The following WWP2 variants were observed in gnomAD, a reference collection of about 807,000 sequenced individuals.
WWP2 encodes the protein NEDD4-like E3 ubiquitin-protein ligase WWP2.
A neutral mutation model predicts 121.0 loss-of-function variants in WWP2; 57 were observed. The ratio of observed to expected loss-of-function variants is 0.47; its 90% CI spans 0.38 to 0.59. WWP2 has a LOEUF of 0.59. Among genes scored for constraint, WWP2 ranks in the 20% least tolerant of loss-of-function variants. The pLI is 0.00. For synonymous variants in WWP2, 449 were observed against 441.3 expected (o/e 1.02, Z -0.22); for missense variants, 962 against 1,158.9 (o/e 0.83, Z 2.47).
chr16:69,848,994 G>A (rs764719636), intron 6 of WWP2, among the ~76,000 whole-genome samples: 45 of 152,220 alleles, frequency 3.0e-4, no homozygotes, highest in South Asian at 6.2e-4. Context: ...AGATTTATTG[G>A]CTCCCTTGCC....
intron 6 of WWP2, among the ~76,000 whole-genome samples, chr16:69,855,165 T>C (rs2057288797): frequency 6.6e-6 from 1 of 152,260 alleles, no homozygotes; most frequent in Non-Finnish European, 1.5e-5. Context: ...CATTTTGTTT[T>C]AGATAAAAAT....
intron 8 of WWP2, among the ~76,000 whole-genome samples, chr16:69,896,683 C>A (rs1237976884): frequency 1.3e-5 from 2 of 151,418 alleles, no homozygotes; most frequent in African/African-American, 4.9e-5. Flanking sequence ...TAACAAACAC[C>A]CCCCCAGAGC....
At chr16:69,939,276 C>T (rs1428563655) in intron 22 of WWP2, 65 bp from the exon 23 acceptor site, 39 of 1,601,392 alleles carry the variant, frequency 2.4e-5, no homozygotes, top group Middle Eastern at 1.7e-4. Context: ...TGGGTGGAGC[C>T]GGAGGATCCT....
chr16:69,939,777 A>T, intron 23 of WWP2, 64 bp from the exon 24 acceptor site: 1 of 1,466,904 alleles, frequency 6.8e-7, no homozygotes, highest in Non-Finnish European at 9.4e-7. Flanking sequence ...GCAGGCAGGC[A>T]TGGTGGGGCT....
intron 5 of WWP2, 134 bp downstream of exon 5, chr16:69,840,397 C>G: frequency 1.7e-6 from 2 of 1,196,176 alleles, no homozygotes; most frequent in South Asian, 3.0e-5. Context: ...ATAGCTAGCC[C>G]GGACTCTTCT....
Position 69,799,472 on chromosome 16 carries a change from A to G in WWP2, c.340+177A>G. 2.5e-6 allele frequency: 2 copies of G among 789,658 alleles called. No homozygotes were observed. The highest frequency in any genetic ancestry group is 1.9e-6 in the Non-Finnish European group (1 of 527,208). 48.9% of individuals were successfully genotyped at this position (789,658 alleles called of 1,614,324 possible). On this transcript the variant is annotated intron_variant, in intron 4 of 23. Transcript: ENST00000359154. This position sits in a 1 kb window ranked among gnomAD's most constrained non-coding sequence, Gnocchi z 4.5. ...GGGCTCCTCTCTGCCTCCACTACAGAGTTTAGCCCTCTTTGTCCAGGGCCT... is the reference window on the plus strand; with the variant it reads ...GGGCTCCTCTCTGCCTCCACTACAGGGTTTAGCCCTCTTTGTCCAGGGCCT...
At chr16:69,777,037 ATG>A (rs35448810) in intron 1 of WWP2, among the ~76,000 whole-genome samples, 12 of 151,082 alleles carry the variant, frequency 7.9e-5, no homozygotes, top group East Asian at 1.9e-4. Context: ...AAAACAGTAT[ATG>A]TGTGTGTGTG....
intron 4 of WWP2, among the ~76,000 whole-genome samples, chr16:69,813,454 G>A (rs929308637): frequency 9.3e-5 from 14 of 151,050 alleles, no homozygotes; most frequent in African/African-American, 3.5e-4. Context: ...GAGCCACTGC[G>A]CCCAGCCTTT....
chr16:69,831,389 G>A (rs1012418124), intron 4 of WWP2, among the ~76,000 whole-genome samples: 2 of 152,152 alleles, frequency 1.3e-5, no homozygotes, highest in Non-Finnish European at 2.9e-5. Context: ...CCAGGCAAGA[G>A]TTCTGGATTT....
At chr16:69,931,077 C>T in intron 13 of WWP2, 75 bp from the exon 14 acceptor site, 1 of 1,463,770 alleles carries the variant, frequency 6.8e-7, no homozygotes, top group Non-Finnish European at 9.5e-7. Context: ...ACCAGCTTTC[C>T]TTAGGGCTGA....
At chr16:69,901,104 C>T (rs2151952349) in intron 8 of WWP2, among the ~76,000 whole-genome samples, 1 of 152,316 alleles carries the variant, frequency 6.6e-6, no homozygotes, top group East Asian at 1.9e-4. Flanking sequence ...TTATATTCCA[C>T]TGCAGACAGA....
intron 6 of WWP2, among the ~76,000 whole-genome samples, chr16:69,855,305 T>C (rs2057291233): frequency 6.6e-6 from 1 of 152,254 alleles, no homozygotes; most frequent in Non-Finnish European, 1.5e-5. Context: ...GGGTCTGCCA[T>C]CCTTATTTCT....
At chr16:69,812,971 G>T (rs144260449) in intron 4 of WWP2, among the ~76,000 whole-genome samples, 1 of 152,046 alleles carries the variant, frequency 6.6e-6, no homozygotes, top group South Asian at 2.1e-4. Flanking sequence ...TTCTGCATCC[G>T]GTGATTTTAC....
chr16:69,851,924 A>G lies in WWP2; in HGVS notation c.575+9804A>G, dbSNP rs1490683263. 2.6e-5 allele frequency among the ~76,000 whole-genome samples: 4 copies of G among 152,304 alleles called. No homozygotes were observed. The East Asian group carries it at 5.8e-4, about 22-fold the overall frequency. On this transcript the variant is annotated intron_variant, in intron 6 of 23. Transcript: ENST00000359154. ...CTTAAATCTGGGGGGTGGAGTTTGCAGTGAGCTGAGATCACGCCACTGCAC... is the reference window on the plus strand; with the variant it reads ...CTTAAATCTGGGGGGTGGAGTTTGCGGTGAGCTGAGATCACGCCACTGCAC...
chr16:69,919,511 AAACT>A (rs1444261051), intron 10 of WWP2, among the ~76,000 whole-genome samples: 1 of 152,088 alleles, frequency 6.6e-6, no homozygotes, highest in Non-Finnish European at 1.5e-5. Context: ...CTCTGGTTTC[AAACT>A]AACTGCCTAA....
At chr16:69,765,203 AAAAAAG>A (rs371366510) in intron 1 of WWP2, among the ~76,000 whole-genome samples, 2,516 of 152,252 alleles carry the variant, frequency 0.017, 64 homozygotes, top group African/African-American at 0.053. Context: ...CCTGTCTCAA[AAAAAAG>A]AAAAAGAAAA....
At chr16:69,905,660 A>G (rs965755917) in intron 8 of WWP2, among the ~76,000 whole-genome samples, 2 of 152,256 alleles carry the variant, frequency 1.3e-5, no homozygotes, top group South Asian at 4.1e-4. Flanking sequence ...CTCAACCTGT[A>G]TAATTCCTCC....
At chr16:69,868,300 C>A (rs1271643647) in intron 6 of WWP2, among the ~76,000 whole-genome samples, 1 of 152,152 alleles carries the variant, frequency 6.6e-6, no homozygotes, top group East Asian at 1.9e-4. Context: ...GGGTAAGCCG[C>A]TATCATTAGT....
At chr16:69,766,372 C>T (rs1427369599) in intron 1 of WWP2, among the ~76,000 whole-genome samples, 1 of 152,206 alleles carries the variant, frequency 6.6e-6, no homozygotes, top group Non-Finnish European at 1.5e-5. Flanking sequence ...ACTTTCTCCA[C>T]ACAGGACCCA....
Sources: allele counts gnomAD v4.1 joint callset (sites outside exome capture counted in the v4.1 genomes callset), GRCh38; gene constraint gnomAD v4.1.1; non-coding constraint Gnocchi (gnomAD v3.1); transcripts MANE v1.5; gene names NCBI Gene and HGNC (gene_info 2026-07-23, HGNC 2026-07-21).